The following HHLA2 variants were observed in gnomAD, a reference collection of about 807,000 sequenced individuals.
HHLA2 encodes HERV-H LTR-associating protein 2.
Under a neutral mutation model 45.9 loss-of-function variants are expected in HHLA2, and 48 were observed. That is an observed-to-expected ratio of 1.05 (90% CI 0.83 to 1.33). HHLA2 has a LOEUF of 1.33. Among genes scored for constraint, HHLA2 ranks in the 40% most tolerant of loss-of-function variants. HHLA2 has a pLI of 0.00. For missense variants in HHLA2, 462 were observed against 494.3 expected (o/e 0.93, Z 0.62); for synonymous variants, 161 against 173.9 (o/e 0.93, Z 0.59).
intron 1 of HHLA2, among the ~76,000 whole-genome samples, chr3:108,308,740 G>A (rs1052519572): frequency 2.0e-5 from 3 of 152,112 alleles, no homozygotes; most frequent in Non-Finnish European, 4.4e-5. Flanking sequence ...TTATAGTTTT[G>A]ATTTGCATTT....
chr3:108,344,017 C>A lies in HHLA2; in HGVS notation c.-26-7771C>A, dbSNP rs569128370. On this transcript the variant is annotated intron_variant, in intron 3 of 10. Transcript: ENST00000619531. Reference sequence around the variant, plus strand: ...GAGCTTTCATTACTTCAGTGGAAGTCCTTACATCTGACATAATCAGATGTG... The same window carrying A: ...GAGCTTTCATTACTTCAGTGGAAGTACTTACATCTGACATAATCAGATGTG... Among the ~76,000 whole-genome samples the A allele has an allele frequency of 3.3e-5, 5 of 152,264 alleles. No homozygotes were observed. In the East Asian group the frequency reaches 7.7e-4, roughly 23 times the overall value.
At chr3:108,299,266 TA>T (rs1336901277) in intron 1 of HHLA2, among the ~76,000 whole-genome samples, 1 of 151,312 alleles carries the variant, frequency 6.6e-6, no homozygotes, top group Non-Finnish European at 1.5e-5. Flanking sequence ...ACAAGGAAAA[TA>T]AACTTAGTTT....
In HHLA2 at chr3:108,368,535, C is replaced by CAAAAAAAAA. The variant is rs55718572; in HGVS notation, c.1108+6116_1108+6124dup. On this transcript the variant is annotated intron_variant, in intron 8 of 10. Transcript: ENST00000619531. ...GAATATTTACCAAGCAAACGAAGAG[C>CAAAAAAAAA]AAAAAAAAAAAAAAAAAAAAAAAAA... 3.3e-3 allele frequency among the ~76,000 whole-genome samples: 22 copies of CAAAAAAAAA among 6,622 alleles called. 5 individuals carry two copies. The East Asian group carries it at 0.034, about 10-fold the overall frequency. The allele number at this position is 6,622 out of a possible 152,430, so 4.3% of individuals were successfully genotyped here.
At chr3:108,316,830 A>T (rs972427517) in intron 2 of HHLA2, among the ~76,000 whole-genome samples, 2 of 152,108 alleles carry the variant, frequency 1.3e-5, no homozygotes. Context: ...GTTCACGAAA[A>T]CCATTTTCTT....
chr3:108,318,172 C>T (rs1209437283), intron 2 of HHLA2, among the ~76,000 whole-genome samples: 1 of 142,924 alleles, frequency 7.0e-6, no homozygotes, highest in Non-Finnish European at 1.5e-5. Context: ...CAGAGTGAGA[C>T]TCCATCTCAA....
At chr3:108,374,351 T>C (rs1048662752) in intron 8 of HHLA2, among the ~76,000 whole-genome samples, 34 of 152,156 alleles carry the variant, frequency 2.2e-4, no homozygotes, top group African/African-American at 6.7e-4. Flanking sequence ...AAGATTTACA[T>C]GTTTGACCTA....
intron 1 of HHLA2, among the ~76,000 whole-genome samples, chr3:108,308,184 G>A (rs1361699021): frequency 6.6e-6 from 1 of 152,048 alleles, no homozygotes; most frequent in African/African-American, 2.4e-5. Context: ...CCAGCCTCTG[G>A]TAACAAACCT....
At chr3:108,327,306 G>C (rs1345593489) in intron 2 of HHLA2, among the ~76,000 whole-genome samples, 1 of 152,100 alleles carries the variant, frequency 6.6e-6, no homozygotes, top group Non-Finnish European at 1.5e-5. Context: ...TGAGGTACCT[G>C]GTTGTTTATC....
At chr3:108,319,910 G>T (rs899651432) in intron 2 of HHLA2, among the ~76,000 whole-genome samples, 2 of 152,118 alleles carry the variant, frequency 1.3e-5, no homozygotes, top group African/African-American at 2.4e-5. Flanking sequence ...GAGCAGATTC[G>T]CCCCGTGCAT....
chr3:108,348,321 T>C (rs1368714705), intron 3 of HHLA2, among the ~76,000 whole-genome samples: 5 of 151,930 alleles, frequency 3.3e-5, no homozygotes, highest in African/African-American at 1.2e-4. Flanking sequence ...TGCTACGAGG[T>C]TGAGTTAGAT....
intron 8 of HHLA2, among the ~76,000 whole-genome samples, chr3:108,368,640 G>A (rs1010028560): frequency 2.3e-4 from 33 of 142,830 alleles, no homozygotes; most frequent in Admixed American, 1.1e-3. Flanking sequence ...AGACAAAGAC[G>A]TTACATAATG....
chr3:108,369,705 T>C (rs750115894), intron 8 of HHLA2, among the ~76,000 whole-genome samples: 1 of 152,170 alleles, frequency 6.6e-6, no homozygotes, highest in Non-Finnish European at 1.5e-5. Flanking sequence ...CCACGGAGTC[T>C]CGCTCATTGC....
intron 3 of HHLA2, among the ~76,000 whole-genome samples, chr3:108,346,710 T>C (rs1157155955): frequency 6.6e-6 from 1 of 152,198 alleles, no homozygotes; most frequent in Non-Finnish European, 1.5e-5. Flanking sequence ...AACATGATAT[T>C]GTGAAGTACA....
At chr3:108,362,132 C>T (rs1157082425) in intron 7 of HHLA2, among the ~76,000 whole-genome samples, 1 of 152,154 alleles carries the variant, frequency 6.6e-6, no homozygotes, top group East Asian at 1.9e-4. Context: ...TCAAGACAAA[C>T]TCTCCTGTCC....
chr3:108,365,079 T>C (rs977534933), intron 8 of HHLA2, among the ~76,000 whole-genome samples: 9 of 152,232 alleles, frequency 5.9e-5, no homozygotes, highest in African/African-American at 2.2e-4. Flanking sequence ...TCCATGTCTA[T>C]GTCCTGAATG....
chr3:108,328,291 T>C (rs2081324216), exon 3 of HHLA2: 5 of 1,526,852 alleles, frequency 3.3e-6, no homozygotes, highest in South Asian at 1.2e-5. Context: ...ATACTAACCC[T>C]GCACAGATTG....
At chr3:108,374,398 C>G (rs1031336511) in intron 8 of HHLA2, among the ~76,000 whole-genome samples, 2 of 150,766 alleles carry the variant, frequency 1.3e-5, no homozygotes, top group Admixed American at 6.6e-5. Context: ...CTAGGCAATA[C>G]CATTCAGGAC....
intron 8 of HHLA2, among the ~76,000 whole-genome samples, chr3:108,375,391 A>G (rs1294053838): frequency 6.6e-6 from 1 of 152,022 alleles, no homozygotes; most frequent in Non-Finnish European, 1.5e-5. Flanking sequence ...TGATGATTTA[A>G]TGGGTGCAGC....
At chr3:108,323,704 A>T (rs553996434) in intron 2 of HHLA2, among the ~76,000 whole-genome samples, 1 of 152,266 alleles carries the variant, frequency 6.6e-6, no homozygotes, top group South Asian at 2.1e-4. Context: ...CTAAAGGACA[A>T]TTTCATGATT....
Sources: allele counts gnomAD v4.1 joint callset (sites outside exome capture counted in the v4.1 genomes callset), GRCh38; gene constraint gnomAD v4.1.1; transcripts MANE v1.5; gene names NCBI Gene and HGNC (gene_info 2026-07-23, HGNC 2026-07-21).